Variants in UNC79 observed in about 807,000 individuals in gnomAD.
The protein encoded by UNC79 is protein unc-79 homolog.
UNC79 carries 37 observed loss-of-function variants against 283.1 expected under a neutral mutation model. The ratio of observed to expected loss-of-function variants is 0.13; its 90% confidence interval spans 0.10 to 0.17. UNC79 has a LOEUF of 0.17. Among genes scored for constraint, UNC79 ranks in the 10% least tolerant of loss-of-function variants. The probability of loss-of-function intolerance (pLI) is 1.00; values close to 1 mark genes in which losing one functional copy is unlikely to be tolerated. For missense variants in UNC79, 2,272 were observed against 3,211.1 expected, an observed-to-expected ratio of 0.71 and a Z score of 7.07; for synonymous variants, 1,107 against 1,200.2, an observed-to-expected ratio of 0.92 and a Z score of 1.61.
In UNC79 at chr14:93,688,577, T is replaced by A; in HGVS notation, c.6910-88T>A. On this transcript the variant is annotated intron_variant, in intron 43 of 48. Transcript: ENST00000555664. This position sits in a 1 kb window ranked among gnomAD's most constrained non-coding sequence, Gnocchi z 4.0. ...TTGCTCAGAGTGGCGATAAGCGGGG[T>A]GGAAATGACAACCTCTTCTTTTCAA... The A allele has an allele frequency of 6.9e-7, 1 of 1,446,114 alleles. No individual in the cohort carries two copies. Among genetic ancestry groups the A allele is most frequent in the Non-Finnish European group, 9.4e-7 (1 of 1,063,778 alleles). The allele number at this position is 1,446,114 out of a possible 1,614,324, so 89.6% of individuals were successfully genotyped here. A position where few individuals can be genotyped will look rare whatever the true frequency, so the allele number is the denominator to read the frequency against.
intron 1 of UNC79, among the ~76,000 whole-genome samples, chr14:93,384,412 G>A (rs2054727082): frequency 6.6e-6 from 1 of 152,128 alleles, no homozygotes; most frequent in African/African-American, 2.4e-5. Flanking sequence ...TGAGATAATA[G>A]CTCATTGTAG....
rs372911762 is a variant in UNC79 at position 93,621,947 on chromosome 14, G to C, written c.4714G>C (p.Asp1572His). 1.0e-4 allele frequency: 165 copies of C among 1,613,948 alleles called. No homozygotes were observed. Among genetic ancestry groups the C allele is most frequent in the Non-Finnish European group, 1.4e-4 (160 of 1,180,022 alleles). The change falls in exon 30 of 49, where the codon GAT (aspartate) becomes CAT (histidine). Residue 1572 changes from aspartate to histidine, a missense_variant. This residue lies in a region of UNC79 where 580 missense variants were observed against 632.2 expected (regional missense o/e 0.92). Coordinates refer to ENST00000555664, the Ensembl canonical transcript of UNC79. The surrounding 1 kb of genome is among the most constrained non-coding windows in gnomAD (Gnocchi z 4.8). ...GAACCCAGCTATGGAAGGGTTTCCA[G>C]ATGCTCGAAGGCCTGTCATACCAGA...
intron 26 of UNC79, among the ~76,000 whole-genome samples, chr14:93,607,574 T>C (rs989988618): frequency 1.3e-5 from 2 of 152,206 alleles, no homozygotes; most frequent in African/African-American, 4.8e-5. Context: ...GTTATGGAGT[T>C]GGCCTGGGCT....
intron 19 of UNC79, 73 bp downstream of exon 19, chr14:93,580,449 C>A: frequency 7.1e-7 from 1 of 1,403,338 alleles, no homozygotes; most frequent in Non-Finnish European, 9.8e-7. Flanking sequence ...GTAATGGAGT[C>A]TTCCTCCAGC....
intron 14 of UNC79, among the ~76,000 whole-genome samples, chr14:93,552,611 GA>G (rs1369858767): frequency 6.6e-6 from 1 of 152,120 alleles, no homozygotes; most frequent in Admixed American, 6.5e-5. Context: ...TTGTAGGATT[GA>G]TGTGTTTGCA....
rs556400460 is a variant in UNC79, at chr14:93,623,405, T to C, written c.5608+564T>C. Among the ~76,000 whole-genome samples, 5 of 152,320 alleles carry C rather than the reference T, an allele frequency of 3.3e-5. No individual in the cohort carries two copies. In the East Asian group the frequency reaches 9.6e-4, roughly 29 times the overall value. ...ACCCTAACCCACGGTCATCACTTGG[T>C]GATGAAGTTATCACAGCCCATGGGT... is the stretch of plus-strand genomic sequence containing the variant. On this transcript the variant is annotated intron_variant, in intron 30 of 48. Transcript: ENST00000555664.
At chr14:93,582,122 T>G in intron 19 of UNC79, 81 bp from the exon 20 acceptor site, 2 of 1,605,988 alleles carry the variant, frequency 1.2e-6, no homozygotes, top group Non-Finnish European at 1.7e-6. Flanking sequence ...AGGTGTGCAG[T>G]CCAGCTTTGC....
chr14:93,423,417 CA>C (rs1320352946), intron 1 of UNC79, among the ~76,000 whole-genome samples: 6 of 152,074 alleles, frequency 3.9e-5, no homozygotes, highest in Non-Finnish European at 7.4e-5. Flanking sequence ...CTATCTTAAG[CA>C]AAAGGAACAA....
chr14:93,526,024 T>C (rs1238621065), intron 8 of UNC79, among the ~76,000 whole-genome samples: 1 of 152,212 alleles, frequency 6.6e-6, no homozygotes, highest in Non-Finnish European at 1.5e-5. Context: ...TAATGAACAA[T>C]GAATTATTTT....
At position 93,706,217 on chromosome 14, in the gene UNC79, C is replaced by T. The variant is rs77229631; in HGVS notation, c.7591-487C>T. Among the ~76,000 whole-genome samples, 217 of 152,262 alleles carry T rather than the reference C, an allele frequency of 1.4e-3. 7 individuals carry two copies. The East Asian group carries it at 0.04, about 28-fold the overall frequency. The stretch of plus-strand genomic sequence containing the variant: ...GTTCTGTTCTGAGCACTTTTTTAAC[C>T]CATTTGTCCTACACAAACCCCCTGA... On this transcript the variant is annotated intron_variant, in intron 48 of 48. Coordinates refer to ENST00000555664, the Ensembl canonical transcript of UNC79.
At chr14:93,403,242 T>C (rs1433085156) in intron 1 of UNC79, among the ~76,000 whole-genome samples, 2 of 152,214 alleles carry the variant, frequency 1.3e-5, no homozygotes, top group African/African-American at 4.8e-5. Flanking sequence ...ATTTTTCTCG[T>C]GTAAGCAGAG....
rs773014002 is a variant in UNC79, at chr14:93,617,230, C to T, written c.4150C>T (p.Arg1384Cys). 7.4e-6 allele frequency: 12 copies of T among 1,614,120 alleles called. No homozygotes were observed. Among genetic ancestry groups the T allele is most frequent in the East Asian group, 2.2e-5 (1 of 44,902 alleles). Residue 1384 changes from arginine to cysteine, a missense_variant, in exon 28 of 49, where the codon CGT becomes TGT. Transcript: ENST00000555664. The surrounding 1 kb of genome is among the most constrained non-coding windows in gnomAD (Gnocchi z 4.5). ...CCGGCATTATTTCCAACAGCCGCCT[C>T]GTTGCTCCCTCTGGTCCCTAAAGCC... is the stretch of plus-strand genomic sequence containing the variant.
intron 1 of UNC79, among the ~76,000 whole-genome samples, chr14:93,396,477 A>AT (rs1336519805): frequency 1.3e-5 from 2 of 151,518 alleles, no homozygotes; most frequent in Admixed American, 6.6e-5. Flanking sequence ...ATACTTTCTT[A>AT]TTTTTTTACT....
At chr14:93,373,856 C>T (rs2054503618) in intron 1 of UNC79, among the ~76,000 whole-genome samples, 1 of 152,156 alleles carries the variant, frequency 6.6e-6, no homozygotes, top group South Asian at 2.1e-4. Context: ...AAAACTGCAA[C>T]ACGATATTAG....
exon 13 of UNC79, chr14:93,540,749 C>T (rs765434295): frequency 6.2e-7 from 1 of 1,613,634 alleles, no homozygotes; most frequent in Admixed American, 1.7e-5. Flanking sequence ...TCCCACCATT[C>T]CCTGGATAAT....
intron 1 of UNC79, among the ~76,000 whole-genome samples, chr14:93,367,030 C>T (rs975640832): frequency 1.8e-4 from 27 of 152,044 alleles, no homozygotes; most frequent in African/African-American, 6.5e-4. Context: ...CTATTTTTTT[C>T]CCACAGCCCT....
Position 93,580,379 on chromosome 14 carries a change from A to G in UNC79, c.2661+3A>G. ...CTAAAGAAGAAAGCCGGCTGGTGGT[A>G]AGCAGTTGAAGAAACGAGATGACCC... On this transcript the variant is annotated splice_donor_region_variant and intron_variant, in intron 19 of 48. Transcript: ENST00000555664. 1 of 1,612,410 alleles carries G rather than the reference A, an allele frequency of 6.2e-7. No homozygotes were observed.
In UNC79 at chr14:93,474,702, T is replaced by C. The variant is rs529398665; in HGVS notation, c.448+309T>C. ...GTTATCATGAGGACTCTTGTTGAAA[T>C]TATGAGTGGGGAGATAAGATTTTAA... On this transcript the variant is annotated intron_variant, in intron 3 of 48. Transcript: ENST00000555664. This position sits in a 1 kb window ranked among gnomAD's most constrained non-coding sequence, Gnocchi z 4.1. Among the ~76,000 whole-genome samples, 10 of 152,282 alleles carry C rather than the reference T, an allele frequency of 6.6e-5. No individual in the cohort carries two copies. Among genetic ancestry groups the C allele is most frequent in the Admixed American group, 3.9e-4 (6 of 15,304 alleles).
chr14:93,490,145 G>T (rs1471430888), intron 5 of UNC79, among the ~76,000 whole-genome samples: 4 of 152,126 alleles, frequency 2.6e-5, no homozygotes, highest in Non-Finnish European at 5.9e-5. Flanking sequence ...TTCTCCCCCA[G>T]GGTCCTTGCA....
Sources: allele counts gnomAD v4.1 joint callset (sites outside exome capture counted in the v4.1 genomes callset), GRCh38; gene constraint gnomAD v4.1.1; regional missense constraint gnomAD v4.1.1; non-coding constraint Gnocchi (gnomAD v3.1); transcripts MANE v1.5; gene names NCBI Gene and HGNC (gene_info 2026-07-23, HGNC 2026-07-21).